Variants in ACAN observed in about 807,000 individuals in gnomAD.
The protein encoded by ACAN is aggrecan core protein.
In ACAN, 47 loss-of-function variants were observed where a neutral mutation model predicts 169.1. The observed-to-expected ratio is 0.28, with a 90% CI of 0.22 to 0.35. ACAN has a LOEUF of 0.35. Ranked by LOEUF, ACAN falls within the 10% of genes least tolerant of loss-of-function variation. The pLI is 1.00. For missense variants in ACAN, 2,716 were observed against 2,759.9 expected (o/e 0.98, Z 0.36); for synonymous variants, 1,115 against 1,112.2 (o/e 1.00, Z -0.05).
intron 1 of ACAN, among the ~76,000 whole-genome samples, chr15:88,809,457 G>A (rs555364297): frequency 2.0e-5 from 3 of 152,320 alleles, no homozygotes; most frequent in African/African-American, 4.8e-5. Flanking sequence ...GGAGGCCTGT[G>A]GGGGTGCCTT....
intron 11 of ACAN, 149 bp downstream of exon 11, chr15:88,852,182 C>T (rs2280469): frequency 1.7e-6 from 2 of 1,195,088 alleles, no homozygotes; most frequent in African/African-American, 1.5e-5. Flanking sequence ...CTATGGGCAA[C>T]TTCAGCCACC....
rs918351183 is a variant in ACAN at position 88,843,881 on chromosome 15, C to T, written c.1051+233C>T. Among the ~76,000 whole-genome samples the T allele has an allele frequency of 1.3e-5, 2 of 152,122 alleles. No homozygotes were observed. Among genetic ancestry groups the T allele is most frequent in the Non-Finnish European group, 2.9e-5 (2 of 68,028 alleles). On this transcript the variant is annotated intron_variant, in intron 6 of 18. Transcript: ENST00000560601. The surrounding 1 kb of genome is among the most constrained non-coding windows in gnomAD (Gnocchi z 4.0). ...CTCTGTCTCATCGGATCAGCACAGA[C>T]GAGGCTTAAAAACCTCCAAACTGTT...
chr15:88,809,371 G>C (rs768896377), intron 1 of ACAN, among the ~76,000 whole-genome samples: 18 of 152,258 alleles, frequency 1.2e-4, no homozygotes, highest in Non-Finnish European at 2.4e-4. Context: ...TCACCTCTCA[G>C]CCTCAGGTTC....
At chr15:88,810,779 C>A (rs1895802041) in intron 1 of ACAN, among the ~76,000 whole-genome samples, 1 of 152,198 alleles carries the variant, frequency 6.6e-6, no homozygotes, top group South Asian at 2.1e-4. Flanking sequence ...CCAAGAGATT[C>A]TGCTTCAGTG....
chr15:88,844,785 T>A (rs1018365800), intron 6 of ACAN, among the ~76,000 whole-genome samples: 4 of 152,262 alleles, frequency 2.6e-5, no homozygotes, highest in Admixed American at 1.3e-4. Flanking sequence ...TTTTGGGTTA[T>A]AATTATAATT....
chr15:88,805,677 G>T (rs1895660925), intron 1 of ACAN, among the ~76,000 whole-genome samples: 1 of 152,156 alleles, frequency 6.6e-6, no homozygotes, highest in African/African-American at 2.4e-5. Context: ...CGTAGTGCCT[G>T]GCACTGGGCA....
In ACAN at chr15:88,838,930, C is replaced by G; in HGVS notation, c.338C>G (p.Pro113Arg). 5.0e-6 allele frequency: 8 copies of G among 1,613,970 alleles called. No homozygotes were observed. Among genetic ancestry groups the G allele is most frequent in the Non-Finnish European group, 6.8e-6 (8 of 1,179,902 alleles). The change falls in exon 3 of 19, where the codon CCC becomes CGC. Residue 113 changes from proline to arginine, a missense_variant. Coordinates refer to ENST00000560601, the MANE Select transcript of ACAN (RefSeq NM_001369268.1). The surrounding 1 kb of genome is among the most constrained non-coding windows in gnomAD (Gnocchi z 5.1). ...KVSLPNYPAI[P>R]SDATLEVQSL... ...TCACTGCCCAACTACCCGGCCATCCCCAGTGACGCCACCTTGGAAGTCCAG... is the reference window on the plus strand; with the variant it reads ...TCACTGCCCAACTACCCGGCCATCCGCAGTGACGCCACCTTGGAAGTCCAG...
In ACAN at chr15:88,807,051, C is replaced by T. The variant is rs1033123658; in HGVS notation, c.-8+3242C>T. Reference sequence around the variant, plus strand: ...ATATTTTTATTTAATTTTTTTTTTACTATATTGGTCCCAATGATGTTTCTG... The same window carrying T: ...ATATTTTTATTTAATTTTTTTTTTATTATATTGGTCCCAATGATGTTTCTG... On this transcript the variant is annotated intron_variant, in intron 1 of 18. Transcript: ENST00000560601. The surrounding 1 kb of genome is among the most constrained non-coding windows in gnomAD (Gnocchi z 4.0). Among the ~76,000 whole-genome samples, 17 of 149,590 alleles carry T rather than the reference C, an allele frequency of 1.1e-4. No individual in the cohort carries two copies. Among genetic ancestry groups the T allele is most frequent in the Non-Finnish European group, 4.4e-5 (3 of 67,704 alleles).
chr15:88,847,812 TC>T, intron 8 of ACAN, 98 bp from the exon 9 acceptor site: 1 of 1,423,794 alleles, frequency 7.0e-7, no homozygotes, highest in Non-Finnish European at 9.4e-7. Flanking sequence ...ACTGAAGACA[TC>T]TCCAAGTCCC....
intron 1 of ACAN, among the ~76,000 whole-genome samples, chr15:88,833,108 G>T (rs1896405867): frequency 6.6e-6 from 1 of 152,198 alleles, no homozygotes; most frequent in African/African-American, 2.4e-5. Context: ...CCCATAATTT[G>T]ATGGAATCCA....
intron 11 of ACAN, among the ~76,000 whole-genome samples, chr15:88,853,847 T>TG (rs1896988660): frequency 6.7e-6 from 1 of 148,638 alleles, no homozygotes; most frequent in African/African-American, 2.5e-5. Flanking sequence ...CCAGCTAACT[T>TG]TTTTTTTTTT....
chr15:88,871,289 G>T lies in ACAN; in HGVS notation c.7061-93G>T. ...TTGAGGGCACAGCATGGAAGGTGGGGTGAACGCAGGAACCTATGCCATAAG... is the reference window on the plus strand; with the variant it reads ...TTGAGGGCACAGCATGGAAGGTGGGTTGAACGCAGGAACCTATGCCATAAG... On this transcript the variant is annotated intron_variant, in intron 14 of 18. Coordinates refer to ENST00000560601, the MANE Select transcript of ACAN (RefSeq NM_001369268.1). This position sits in a 1 kb window ranked among gnomAD's most constrained non-coding sequence, Gnocchi z 7.8. 1 of 1,544,746 alleles carries T rather than the reference G, an allele frequency of 6.5e-7. No homozygotes were observed. Among genetic ancestry groups the T allele is most frequent in the Non-Finnish European group, 8.8e-7 (1 of 1,136,362 alleles).
intron 1 of ACAN, among the ~76,000 whole-genome samples, chr15:88,823,137 C>T (rs112535896): frequency 0.021 from 3,180 of 152,302 alleles, 109 homozygotes; most frequent in African/African-American, 0.072. Context: ...GTCTCCCAGC[C>T]CCTTCTCATA....
In ACAN at chr15:88,858,794, G is replaced by T. The variant is rs766973962; in HGVS notation, c.6209G>T (p.Ser2070Ile). 6.2e-7 allele frequency: 1 copy of T among 1,613,896 alleles called. No individual in the cohort carries two copies. The highest frequency in any genetic ancestry group is 8.5e-7 in the Non-Finnish European group (1 of 1,179,878). Residue 2070 changes from serine to isoleucine, a missense_variant, in exon 12 of 19, where the codon AGT becomes ATT. By Grantham distance (142) the Ser-to-Ile change is moderately radical. Coordinates refer to ENST00000560601, the MANE Select transcript of ACAN (RefSeq NM_001369268.1). This position sits in a 1 kb window ranked among gnomAD's most constrained non-coding sequence, Gnocchi z 4.0. ...CACACACCCCAGCTTTTTGAGTCCA[G>T]TGGAAAAGTCTCCACAGCTGGGGAC... ...VTHTPQLFES[S>I]GKVSTAGDIS...
At chr15:88,860,852 C>A (rs1047408786) in intron 13 of ACAN, among the ~76,000 whole-genome samples, 1 of 152,102 alleles carries the variant, frequency 6.6e-6, no homozygotes, top group Non-Finnish European at 1.5e-5. Context: ...TGAACCCCAC[C>A]AAGTTGCCTC....
At chr15:88,830,392 G>T (rs1477891970) in intron 1 of ACAN, among the ~76,000 whole-genome samples, 3 of 152,184 alleles carry the variant, frequency 2.0e-5, no homozygotes, top group African/African-American at 7.2e-5. Flanking sequence ...AGCAACATGT[G>T]CAGTGGAGAC....
At chr15:88,804,101 G>C (rs1022267277) in intron 1 of ACAN, among the ~76,000 whole-genome samples, 8 of 152,192 alleles carry the variant, frequency 5.3e-5, no homozygotes, top group African/African-American at 1.2e-4. Flanking sequence ...CAAACACCTA[G>C]GTGATTTTAA....
intron 1 of ACAN, among the ~76,000 whole-genome samples, chr15:88,806,677 G>C (rs1350233465): frequency 6.6e-6 from 1 of 152,068 alleles, no homozygotes; most frequent in Non-Finnish European, 1.5e-5. Context: ...ATTCCTTCTA[G>C]AACTGGGTTC....
In ACAN at chr15:88,857,130, A is replaced by G; in HGVS notation, c.4545A>G (p.Leu1515=). The part of the protein sequence containing the change: ...DVSELPSGEG[L]ETSASGVEDL... ...GTGAACTTCCTTCAGGAGAAGGTCT[A>G]GAGACCTCTGCTTCTGGAGTAGAGG... Residue 1515 remains leucine, a synonymous_variant, in exon 12 of 19, where the codon CTA becomes CTG. Coordinates refer to ENST00000560601, the MANE Select transcript of ACAN (RefSeq NM_001369268.1). The G allele has an allele frequency of 6.2e-7, 1 of 1,607,558 alleles. No individual in the cohort carries two copies. The highest frequency in any genetic ancestry group is 2.2e-5 in the East Asian group (1 of 44,628).
Sources: allele counts gnomAD v4.1 joint callset (sites outside exome capture counted in the v4.1 genomes callset), GRCh38; gene constraint gnomAD v4.1.1; non-coding constraint Gnocchi (gnomAD v3.1); transcripts MANE v1.5; gene names NCBI Gene and HGNC (gene_info 2026-07-23, HGNC 2026-07-21).